Variants in ZNF613 observed in about 807,000 individuals in gnomAD.
ZNF613 encodes the protein zinc finger protein 613.
A neutral mutation model predicts 14.3 loss-of-function variants in ZNF613; 8 were observed. The ratio of observed to expected loss-of-function variants is 0.56; its 90% CI spans 0.33 to 1.01. The LOEUF is 1.01. ZNF613 is among the 50% of genes least tolerant of loss of function. The pLI is 0.03. For synonymous variants in ZNF613, 228 were observed against 254.5 expected (o/e 0.90, Z 0.99); for missense variants, 656 against 741.9 (o/e 0.88, Z 1.35).
Position 51,944,648 on chromosome 19 carries a change from A to G in ZNF613, c.765A>G (p.Thr255=), listed in dbSNP as rs774746312. The G allele has an allele frequency of 6.2e-7, 1 of 1,614,102 alleles. No individual in the cohort carries two copies. Among genetic ancestry groups the G allele is most frequent in the Non-Finnish European group, 8.5e-7 (1 of 1,180,044 alleles). Residue 255 remains threonine, a synonymous_variant, in exon 6 of 6, where the codon ACA becomes ACG. Coordinates refer to ENST00000293471, the MANE Select transcript of ZNF613 (RefSeq NM_001031721.4). The part of the protein sequence containing the change: ...SGLTEHQRNH[T]GEKPYECTEC... ...TCACTGAACACCAGAGAAACCACACAGGAGAGAAACCCTATGAATGCACTG... is the reference window on the plus strand; with the variant it reads ...TCACTGAACACCAGAGAAACCACACGGGAGAGAAACCCTATGAATGCACTG...
rs372827216 is a variant in ZNF613, at chr19:51,940,326, G to A, written c.133G>A (p.Val45Met). ...DVMLENYSNL[V>M]SVGYQASKPD... is the part of the protein sequence containing the mutation. ...GATGTTGGAGAACTATAGCAACCTCGTGTCAGTGGGTGAGGACAGCTGCCC... is the reference window on the plus strand; with the variant it reads ...GATGTTGGAGAACTATAGCAACCTCATGTCAGTGGGTGAGGACAGCTGCCC... The change falls in exon 4 of 6, where the codon GTG (valine) becomes ATG (methionine). Residue 45 changes from valine to methionine, a missense_variant. Transcript: ENST00000293471. 53 of 1,613,284 alleles carry A rather than the reference G, an allele frequency of 3.3e-5. No homozygotes were observed. The highest frequency in any genetic ancestry group is 2.7e-4 in the African/African-American group (20 of 74,980).
At chr19:51,936,592 G>A (rs568669185) in intron 3 of ZNF613, among the ~76,000 whole-genome samples, 27 of 152,206 alleles carry the variant, frequency 1.8e-4, no homozygotes, top group African/African-American at 6.5e-4. Context: ...GGGCTCAAGC[G>A]ATCATCCCAT....
chr19:51,938,506 G>C (rs2085321703), intron 3 of ZNF613, among the ~76,000 whole-genome samples: 1 of 151,942 alleles, frequency 6.6e-6, no homozygotes, highest in African/African-American at 2.4e-5. Flanking sequence ...AAGGTTCTCT[G>C]TATGAACAGG....
rs1024687225 is a variant in ZNF613 at position 51,945,405 on chromosome 19, G to C, written c.1522G>C (p.Gly508Arg). 1 of 1,613,766 alleles carries C rather than the reference G, an allele frequency of 6.2e-7. No individual in the cohort carries two copies. Among genetic ancestry groups the C allele is most frequent in the Non-Finnish European group, 8.5e-7 (1 of 1,179,738 alleles). Residue 508 changes from glycine (G) to arginine (R), a missense_variant, in exon 6 of 6, where the codon GGG (glycine) becomes CGG (arginine). Gly to Arg is a moderately radical substitution (Grantham distance 125). Transcript: ENST00000293471. ...CLNRHRRTHT[G>R]ERPYGCSDCG... ...CAACAGACATCGGAGAACTCATACA[G>C]GGGAGAGACCGTATGGATGCTCTGA...
Position 51,944,753 on chromosome 19 carries a change from C to T in ZNF613, c.870C>T (p.Cys290=). The change falls in exon 6 of 6, where the codon TGC becomes TGT. Residue 290 remains cysteine (C), a synonymous_variant. Coordinates refer to ENST00000293471, the MANE Select transcript of ZNF613 (RefSeq NM_001031721.4). ...ATACAGGAGAGAAGTCATATATATG[C>T]AGTGATTGTGGAAAAGGCTTCATCA... The part of the protein sequence containing the change: ...KIHTGEKSYI[C]SDCGKGFIKK... 6.2e-7 allele frequency: 1 copy of T among 1,613,274 alleles called. No homozygotes were observed. Among genetic ancestry groups the T allele is most frequent in the South Asian group, 1.1e-5 (1 of 91,064 alleles).
At position 51,944,679 on chromosome 19, in the gene ZNF613, G is replaced by T. The variant is rs2085379446; in HGVS notation, c.796G>T (p.Asp266Tyr). Reference protein sequence around the residue: ...GEKPYECTECDKAFRWKSQLN... With the variant: ...GEKPYECTECYKAFRWKSQLN... The stretch of plus-strand genomic sequence containing the variant: ...GAAACCCTATGAATGCACTGAATGT[G>T]ACAAAGCATTCCGCTGGAAATCACA... The change falls in exon 6 of 6, where the codon GAC (aspartate) becomes TAC (tyrosine). Residue 266 changes from aspartate (D) to tyrosine (Y), a missense_variant. Physicochemically the swap from Asp to Tyr is radical, Grantham distance 160. Transcript: ENST00000293471. The T allele has an allele frequency of 2.5e-6, 4 of 1,614,100 alleles. No individual in the cohort carries two copies. The highest frequency in any genetic ancestry group is 3.4e-6 in the Non-Finnish European group (4 of 1,180,018).
At chr19:51,929,123 A>G (rs1874110217) in intron 1 of ZNF613, among the ~76,000 whole-genome samples, 1 of 152,188 alleles carries the variant, frequency 6.6e-6, no homozygotes, top group Admixed American at 6.5e-5. Flanking sequence ...CACAATGCAG[A>G]TAAGCTGCTG....
rs1334830634 is a variant in ZNF613, at chr19:51,927,548, T to G, written c.-359+8T>G. The G allele has an allele frequency of 6.6e-6, 1 of 152,028 alleles. No homozygotes were observed. Among genetic ancestry groups the G allele is most frequent in the African/African-American group, 2.4e-5 (1 of 41,132 alleles). The allele number at this position is 152,028 out of a possible 1,614,324, so 9.4% of individuals were successfully genotyped here. On this transcript the variant is annotated splice_region_variant and intron_variant, in intron 1 of 5. Transcript: ENST00000293471. ...GGTTCCCCGCAAAATCAGGTCTGTG[T>G]GTGGGTCTGTCTGTCAGGATGAGGG...
At chr19:51,936,304 T>C (rs146940074) in intron 3 of ZNF613, 69 bp downstream of exon 3, 3 of 1,496,144 alleles carry the variant, frequency 2.0e-6, no homozygotes, top group Non-Finnish European at 1.8e-6. Context: ...TAAAAGTCAG[T>C]TGAATTAAGT....
At chr19:51,931,554 A>G (rs979259901) in intron 2 of ZNF613, among the ~76,000 whole-genome samples, 2 of 152,206 alleles carry the variant, frequency 1.3e-5, no homozygotes, top group Non-Finnish European at 2.9e-5. Flanking sequence ...CATCTTCGAT[A>G]TTGCTCTTGA....
At position 51,931,183 on chromosome 19, in the gene ZNF613, C is replaced by T. The variant is rs76169141; in HGVS notation, c.-194+1287C>T. ...AATAGACCTAAATCCTTTACGTCAA[C>T]TTTGCATGCATGTGTCGCTATTTCC... On this transcript the variant is annotated intron_variant, in intron 2 of 5. Transcript: ENST00000293471. Among the ~76,000 whole-genome samples, 643 of 152,318 alleles carry T rather than the reference C, an allele frequency of 4.2e-3. 5 individuals carry two copies. Among genetic ancestry groups the T allele is most frequent in the Non-Finnish European group, 6.4e-3 (438 of 68,040 alleles).
intron 3 of ZNF613, 125 bp from the exon 4 acceptor site, chr19:51,940,084 A>C: frequency 7.9e-7 from 1 of 1,269,522 alleles, no homozygotes; most frequent in African/African-American, 1.5e-5. Flanking sequence ...ATTTTTTTAA[A>C]AATCACAGCA....
intron 2 of ZNF613, 130 bp downstream of exon 2, chr19:51,930,026 A>T (rs565351698): frequency 6.6e-6 from 1 of 152,292 alleles, no homozygotes; most frequent in African/African-American, 2.4e-5. Context: ...GGCTTTTACT[A>T]TGTGCGGCCA....
At chr19:51,937,608 ACT>A (rs2085313873) in intron 3 of ZNF613, among the ~76,000 whole-genome samples, 1 of 151,840 alleles carries the variant, frequency 6.6e-6, no homozygotes, top group African/African-American at 2.4e-5. Context: ...ATATGCACTG[ACT>A]CTCAGGAGAA....
rs1252766685 is a variant in ZNF613 at position 51,944,586 on chromosome 19, A to G, written c.703A>G (p.Ser235Gly). The G allele has an allele frequency of 1.2e-6, 2 of 1,614,220 alleles. No homozygotes were observed. The highest frequency in any genetic ancestry group is 2.2e-5 in the South Asian group (2 of 91,088). ...CACTGGGGAGAAACCTCATGGATGCAGTATATGTGGGAAAGCCTTCTCCAG... is the reference window on the plus strand; with the variant it reads ...CACTGGGGAGAAACCTCATGGATGCGGTATATGTGGGAAAGCCTTCTCCAG... ...VHTGEKPHGC[S>G]ICGKAFSRKS... The change falls in exon 6 of 6, where the codon AGT (serine) becomes GGT (glycine). Residue 235 changes from serine (S) to glycine (G), a missense_variant. Coordinates refer to ENST00000293471, the MANE Select transcript of ZNF613 (RefSeq NM_001031721.4).
intron 2 of ZNF613, among the ~76,000 whole-genome samples, 154 bp from the exon 3 acceptor site, chr19:51,935,874 C>T (rs185262364): frequency 6.6e-6 from 1 of 152,208 alleles, no homozygotes; most frequent in South Asian, 2.1e-4. Flanking sequence ...TTTTGTTGCT[C>T]CAGGATTTGT....
chr19:51,945,826 A>T lies in ZNF613; in HGVS notation c.*89A>T. 1 of 1,448,536 alleles carries T rather than the reference A, an allele frequency of 6.9e-7. No homozygotes were observed. Among genetic ancestry groups the T allele is most frequent in the Non-Finnish European group, 9.5e-7 (1 of 1,053,348 alleles). The allele number at this position is 1,448,536 out of a possible 1,614,324, so 89.7% of individuals were successfully genotyped here. On this transcript the variant is annotated 3_prime_UTR_variant, in exon 6 of 6. Coordinates refer to ENST00000293471, the MANE Select transcript of ZNF613 (RefSeq NM_001031721.4). ...AAAACACAGAGGAACAAACTGATAT[A>T]TTCAAGGTGGAAAGCCCTTGAATAA...
At position 51,936,250 on chromosome 19, in the gene ZNF613, G is replaced by A. The variant is rs2085304490; in HGVS notation, c.15+15G>A. 2 of 1,598,854 alleles carry A rather than the reference G, an allele frequency of 1.3e-6. No homozygotes were observed. The highest frequency in any genetic ancestry group is 1.7e-6 in the Non-Finnish European group (2 of 1,172,910). On this transcript the variant is annotated intron_variant, in intron 3 of 5. Transcript: ENST00000293471. Reference sequence around the variant, plus strand: ...TCAAGTCCCAGGTGACTTTTTGTTTGTTTTAGTCTTTCCTTCATCACATGA... The same window carrying A: ...TCAAGTCCCAGGTGACTTTTTGTTTATTTTAGTCTTTCCTTCATCACATGA...
rs932876185 is a variant in ZNF613 at position 51,944,797 on chromosome 19, A to G, written c.914A>G (p.Asn305Ser). The G allele has an allele frequency of 6.2e-7, 1 of 1,608,382 alleles. No homozygotes were observed. Among genetic ancestry groups the G allele is most frequent in the Non-Finnish European group, 8.5e-7 (1 of 1,178,042 alleles). ...KGFIKKSRLI[N>S]HQRVHTGEKP... ...TTCATCAAGAAGTCTCGGCTCATTA[A>G]TCATCAGAGAGTTCATACAGGAGAG... Residue 305 changes from asparagine to serine, a missense_variant, in exon 6 of 6, where the codon AAT (asparagine) becomes AGT (serine). Coordinates refer to ENST00000293471, the MANE Select transcript of ZNF613 (RefSeq NM_001031721.4).
Sources: allele counts gnomAD v4.1 joint callset (sites outside exome capture counted in the v4.1 genomes callset), GRCh38; gene constraint gnomAD v4.1.1; transcripts MANE v1.5; gene names NCBI Gene and HGNC (gene_info 2026-07-23, HGNC 2026-07-21).